KAZN: variants seen among roughly 807,000 people sequenced by gnomAD.
KAZN encodes the protein kazrin, periplakin interacting protein.
Under a neutral mutation model 87.4 loss-of-function variants are expected in KAZN, and 40 were observed. The observed-to-expected ratio is 0.46, with a 90% CI of 0.36 to 0.60. The LOEUF (loss-of-function observed/expected upper bound fraction) is 0.60. Ranked by LOEUF, KAZN falls within the 20% of genes least tolerant of loss-of-function variation. The probability of loss-of-function intolerance (pLI) is 0.00; values close to 1 mark genes in which losing one functional copy is unlikely to be tolerated. For missense variants in KAZN, 898 were observed against 1,073.9 expected, an observed-to-expected ratio of 0.84 and a Z score of 2.29; for synonymous variants, 466 against 458.3, an observed-to-expected ratio of 1.02 and a Z score of -0.22.
intron 1 of KAZN, among the ~76,000 whole-genome samples, chr1:14,168,775 T>A (rs1182275875): frequency 2.6e-5 from 4 of 152,164 alleles, no homozygotes; most frequent in African/African-American, 7.2e-5. Flanking sequence ...TGTGGCCAAA[T>A]TCCTGAAACC....
At chr1:14,448,182 A>G (rs976440205) in intron 2 of KAZN, among the ~76,000 whole-genome samples, 2 of 152,210 alleles carry the variant, frequency 1.3e-5, no homozygotes, top group Non-Finnish European at 2.9e-5. Context: ...ACAACACTCC[A>G]TCTTACAGAG....
chr1:13,951,660 A>G (rs1006382563), intron 1 of KAZN, among the ~76,000 whole-genome samples: 4 of 61,588 alleles, frequency 6.5e-5, no homozygotes, highest in African/African-American at 2.4e-4. Context: ...AATAATAATA[A>G]TAATAATAAT....
chr1:14,062,747 G>C (rs1453231949), intron 1 of KAZN, among the ~76,000 whole-genome samples: 1 of 151,968 alleles, frequency 6.6e-6, no homozygotes. Flanking sequence ...ATTAAAAACT[G>C]ATTCATGGTA....
intron 1 of KAZN, among the ~76,000 whole-genome samples, chr1:14,024,960 A>AGT (rs1641005226): frequency 6.6e-6 from 1 of 152,234 alleles, no homozygotes; most frequent in Admixed American, 6.5e-5. Context: ...AGTATTAGAA[A>AGT]GTATCCCAAT....
chr1:13,907,103 T>C (rs1360354130), intron 1 of KAZN, among the ~76,000 whole-genome samples: 2 of 152,200 alleles, frequency 1.3e-5, no homozygotes, highest in African/African-American at 4.8e-5. Flanking sequence ...TTTGATGTGG[T>C]GTCTCTGTCT....
chr1:15,003,004 G>GCA (rs1557705227), intron 2 of KAZN, among the ~76,000 whole-genome samples: 7 of 115,036 alleles, frequency 6.1e-5, no homozygotes, highest in South Asian at 2.6e-4. Flanking sequence ...AAAAATAAAC[G>GCA]TACACACACA....
chr1:14,015,884 A>C (rs904921331), intron 1 of KAZN, among the ~76,000 whole-genome samples: 8 of 151,926 alleles, frequency 5.3e-5, no homozygotes, highest in Non-Finnish European at 8.8e-5. Flanking sequence ...GTGCAATGAA[A>C]ACTCAACTTG....
At chr1:14,767,276 C>T (rs932032830) in intron 1 of KAZN, among the ~76,000 whole-genome samples, 8 of 152,132 alleles carry the variant, frequency 5.3e-5, no homozygotes, top group Non-Finnish European at 1.2e-4. Flanking sequence ...AAATTCCCAC[C>T]ATTTATTGGA....
At chr1:14,636,367 A>G (rs1329003849) in intron 1 of KAZN, among the ~76,000 whole-genome samples, 2 of 152,144 alleles carry the variant, frequency 1.3e-5, no homozygotes. Flanking sequence ...TGACCTCTAG[A>G]TGGAGAGAGT....
intron 1 of KAZN, among the ~76,000 whole-genome samples, chr1:14,884,152 G>A (rs911872953): frequency 1.3e-5 from 2 of 152,188 alleles, no homozygotes; most frequent in Non-Finnish European, 2.9e-5. Context: ...CCAGCACTTT[G>A]GGAGGCCGAG....
chr1:14,568,941 G>T (rs1021534215), intron 2 of KAZN, among the ~76,000 whole-genome samples: 1 of 152,144 alleles, frequency 6.6e-6, no homozygotes, highest in Middle Eastern at 3.2e-3. Flanking sequence ...TTAGCCCTGG[G>T]GAAATTAAGG....
rs1553188358 is a variant in KAZN at position 15,092,061 on chromosome 1, T to TTG, written c.1223-2118_1223-2117insGT. 1.7e-3 allele frequency among the ~76,000 whole-genome samples: 102 copies of TTG among 58,800 alleles called. 1 individual carries two copies. The highest frequency in any genetic ancestry group is 0.016 in the East Asian group (2 of 122). The allele number at this position is 58,800 out of a possible 152,430, so 38.6% of individuals were successfully genotyped here. ...TCTAATCAGAGGTTTTGTTTTTTTG[T>TTG]TTTTTTTTTTGATTTTTTTTTTTTT... On this transcript the variant is annotated intron_variant, in intron 8 of 14. Coordinates refer to ENST00000376030, the MANE Select transcript of KAZN (RefSeq NM_201628.3).
intron 1 of KAZN, among the ~76,000 whole-genome samples, chr1:13,989,138 A>G (rs1639162108): frequency 6.6e-6 from 1 of 152,192 alleles, no homozygotes; most frequent in African/African-American, 2.4e-5. Flanking sequence ...CGCTTCTGTG[A>G]TAACAACATT....
chr1:14,247,649 G>C (rs982645144), intron 2 of KAZN, among the ~76,000 whole-genome samples: 1 of 152,194 alleles, frequency 6.6e-6, no homozygotes, highest in Non-Finnish European at 1.5e-5. Flanking sequence ...AGTGCTTCGT[G>C]ATCGATACGC....
At chr1:14,907,297 G>A (rs1371541330) in intron 1 of KAZN, among the ~76,000 whole-genome samples, 4 of 151,798 alleles carry the variant, frequency 2.6e-5, no homozygotes, top group Non-Finnish European at 5.9e-5. Context: ...AGCTACTCAG[G>A]AGGCTGCGGT....
At chr1:13,965,590 C>T (rs1488115197) in intron 1 of KAZN, among the ~76,000 whole-genome samples, 1 of 152,152 alleles carries the variant, frequency 6.6e-6, no homozygotes, top group Non-Finnish European at 1.5e-5. Flanking sequence ...TGCTATTTCC[C>T]AGCAAGACTG....
At chr1:14,428,776 G>A (rs1031592334) in intron 2 of KAZN, among the ~76,000 whole-genome samples, 4 of 152,048 alleles carry the variant, frequency 2.6e-5, no homozygotes, top group South Asian at 2.1e-4. Context: ...TCACTATCAC[G>A]AGAACAGTAT....
rs1052975561 is a variant in KAZN, at chr1:14,773,477, C to T, written c.226+174254C>T. Among the ~76,000 whole-genome samples the T allele has an allele frequency of 5.3e-5, 8 of 152,124 alleles. No individual in the cohort carries two copies. The highest frequency in any genetic ancestry group is 1.2e-4 in the African/African-American group (5 of 41,436). On this transcript the variant is annotated intron_variant, in intron 1 of 14. Coordinates refer to ENST00000376030, the MANE Select transcript of KAZN (RefSeq NM_201628.3). This position sits in a 1 kb window ranked among gnomAD's most constrained non-coding sequence, Gnocchi z 5.9. ...CTAAGGTGTGAAACGTAAACACCCC[C>T]GAGGGAGGAAGGCCCTTCCAGAGTG... is the stretch of plus-strand genomic sequence containing the variant.
intron 1 of KAZN, among the ~76,000 whole-genome samples, chr1:14,144,794 C>G (rs1645311169): frequency 6.6e-6 from 1 of 152,148 alleles, no homozygotes; most frequent in Admixed American, 6.6e-5. Context: ...CGAAAGGAAG[C>G]AAGTGGGGGG....
Sources: allele counts gnomAD v4.1 joint callset (sites outside exome capture counted in the v4.1 genomes callset), GRCh38; gene constraint gnomAD v4.1.1; non-coding constraint Gnocchi (gnomAD v3.1); transcripts MANE v1.5; gene names NCBI Gene and HGNC (gene_info 2026-07-23, HGNC 2026-07-21).